Variants in GLIS3 observed in about 807,000 individuals in gnomAD.
GLIS3 encodes GLIS family zinc finger 3.
In GLIS3, 53 loss-of-function variants were observed where a neutral mutation model predicts 78.6. The observed-to-expected ratio is 0.67, with a 90% CI of 0.54 to 0.85. GLIS3 has a LOEUF of 0.85. Among genes scored for constraint, GLIS3 ranks in the 40% least tolerant of loss-of-function variants. The pLI is 0.00. For synonymous variants in GLIS3, 684 were observed against 509.9 expected (o/e 1.34, Z -4.60); for missense variants, 1,703 against 1,231.1 (o/e 1.38, Z -5.74).
chr9:4,090,140 C>T (rs898492622), intron 4 of GLIS3, among the ~76,000 whole-genome samples: 1 of 152,128 alleles, frequency 6.6e-6, no homozygotes, highest in Non-Finnish European at 1.5e-5. Context: ...ATCCCTAAAA[C>T]CCATTTTAGG....
Position 3,852,390 on chromosome 9 carries a change from T to C in GLIS3, c.2473+3619A>G, listed in dbSNP as rs144850135. ...TTGAAAGAGAGAACAAACACTCACT[T>C]GAGCTATTGCATTAGCAACCCTGAC... On this transcript the variant is annotated intron_variant, in intron 9 of 10. Coordinates refer to ENST00000381971, the MANE Select transcript of GLIS3 (RefSeq NM_001042413.2). Among the ~76,000 whole-genome samples the C allele has an allele frequency of 4.8e-4, 73 of 152,276 alleles. No homozygotes were observed. The East Asian group carries it at 0.011, about 24-fold the overall frequency.
At chr9:4,130,577 C>G (rs1443277209) in intron 2 of GLIS3, among the ~76,000 whole-genome samples, 1 of 152,232 alleles carries the variant, frequency 6.6e-6, no homozygotes, top group Non-Finnish European at 1.5e-5. Flanking sequence ...AAACCATAGA[C>G]GACTTGGTGG....
intron 2 of GLIS3, among the ~76,000 whole-genome samples, chr9:4,280,227 T>C (rs1284713460): frequency 1.3e-5 from 2 of 152,234 alleles, no homozygotes; most frequent in Non-Finnish European, 2.9e-5. Context: ...CTCACTTTGT[T>C]GCCCAGACTG....
chr9:4,093,429 G>C (rs954542034), intron 4 of GLIS3, among the ~76,000 whole-genome samples: 1 of 152,198 alleles, frequency 6.6e-6, no homozygotes, highest in East Asian at 1.9e-4. Flanking sequence ...CAGACTCAGA[G>C]ACTCGGTACT....
At chr9:4,270,185 A>C (rs1826376153) in intron 2 of GLIS3, among the ~76,000 whole-genome samples, 1 of 152,256 alleles carries the variant, frequency 6.6e-6, no homozygotes, top group Non-Finnish European at 1.5e-5. Flanking sequence ...GCTGACTCTT[A>C]GAGCCTATCA....
chr9:4,098,590 G>A (rs1041722304), intron 4 of GLIS3, among the ~76,000 whole-genome samples: 1 of 152,098 alleles, frequency 6.6e-6, no homozygotes, highest in African/African-American at 2.4e-5. Context: ...TCCCAACTAT[G>A]TATCCTACAA....
At chr9:4,161,412 G>A (rs62543594) in intron 2 of GLIS3, among the ~76,000 whole-genome samples, 22,796 of 152,128 alleles carry the variant, frequency 0.15, 1,903 homozygotes, top group African/African-American at 0.22. Flanking sequence ...TAAAAAGAAT[G>A]TTTATACACA....
At chr9:3,890,114 GT>G (rs1426968181) in intron 7 of GLIS3, among the ~76,000 whole-genome samples, 1 of 152,180 alleles carries the variant, frequency 6.6e-6, no homozygotes, top group East Asian at 1.9e-4. Flanking sequence ...CAAGGAATAT[GT>G]AAAATTGCAT....
At chr9:3,961,029 A>G (rs1014959541) in intron 4 of GLIS3, among the ~76,000 whole-genome samples, 1 of 152,166 alleles carries the variant, frequency 6.6e-6, no homozygotes, top group African/African-American at 2.4e-5. Context: ...GAGCTCACCA[A>G]TTATTCCCCG....
intron 2 of GLIS3, among the ~76,000 whole-genome samples, chr9:4,274,107 G>C (rs1239431504): frequency 7.9e-5 from 12 of 152,158 alleles, no homozygotes; most frequent in Admixed American, 7.2e-4. Context: ...AGGAAACTGA[G>C]GCAGGAGGCC....
At chr9:4,487,545 A>C in the GLIS3 span, among the ~76,000 whole-genome samples, 9 of 151,978 alleles carry the variant, frequency 5.9e-5, no homozygotes, top group Non-Finnish European at 1.2e-4. Flanking sequence ...CCCTAGTGTA[A>C]TTGTCTTATT....
intron 6 of GLIS3, among the ~76,000 whole-genome samples, chr9:3,916,134 G>A (rs1824494455): frequency 6.6e-6 from 1 of 152,144 alleles, no homozygotes; most frequent in South Asian, 2.1e-4. Context: ...AGAAACTAAA[G>A]CCTGTGCTTT....
chr9:4,115,923 C>T (rs1831601865), intron 4 of GLIS3, among the ~76,000 whole-genome samples: 1 of 152,094 alleles, frequency 6.6e-6, no homozygotes, highest in Admixed American at 6.5e-5. Context: ...AAATCATCTC[C>T]CATACCCATT....
the GLIS3 span, among the ~76,000 whole-genome samples, chr9:4,378,811 T>C: frequency 6.6e-6 from 1 of 152,202 alleles, no homozygotes; most frequent in East Asian, 1.9e-4. Flanking sequence ...AGAATGAGCT[T>C]GTATGGCAGA....
chr9:3,851,198 A>G (rs1213695642), intron 9 of GLIS3, among the ~76,000 whole-genome samples: 1 of 152,222 alleles, frequency 6.6e-6, no homozygotes, highest in African/African-American at 2.4e-5. Context: ...CCATTAGTCC[A>G]GTAACAAAAT....
chr9:4,048,148 C>A (rs79137924), intron 4 of GLIS3, among the ~76,000 whole-genome samples: 478 of 152,158 alleles, frequency 3.1e-3, no homozygotes, highest in Non-Finnish European at 5.2e-3. Context: ...TTTATCCGAC[C>A]CCTGAAGAAG....
intron 2 of GLIS3, among the ~76,000 whole-genome samples, chr9:4,249,012 T>C (rs142773824): frequency 0.011 from 1,650 of 152,330 alleles, 21 homozygotes; most frequent in South Asian, 0.064. Flanking sequence ...ACAAGTACCA[T>C]GCTGTTTTGG....
chr9:4,354,059 A>G, the GLIS3 span, among the ~76,000 whole-genome samples: 3 of 147,742 alleles, frequency 2.0e-5, no homozygotes, highest in African/African-American at 7.6e-5. Flanking sequence ...GATGGTCTCT[A>G]TCTCCTGACC....
intron 1 of GLIS3, among the ~76,000 whole-genome samples, chr9:4,291,804 C>T (rs183818770): frequency 6.6e-6 from 1 of 152,262 alleles, no homozygotes; most frequent in East Asian, 1.9e-4. Context: ...GTTCAATAAC[C>T]TCTCTTAGAA....
Sources: allele counts gnomAD v4.1 joint callset (sites outside exome capture counted in the v4.1 genomes callset), GRCh38; gene constraint gnomAD v4.1.1; transcripts MANE v1.5; gene names NCBI Gene and HGNC (gene_info 2026-07-23, HGNC 2026-07-21).